The following ARHGAP18 variants were observed in gnomAD, a reference collection of about 807,000 sequenced individuals.
The protein encoded by ARHGAP18 is rho GTPase-activating protein 18.
In ARHGAP18, 67 loss-of-function variants were observed where a neutral mutation model predicts 86.2. That is an observed-to-expected ratio of 0.78 (90% CI 0.64 to 0.95). ARHGAP18 has a LOEUF of 0.95. Ranked by LOEUF, ARHGAP18 falls within the 40% of genes least tolerant of loss-of-function variation. The pLI is 0.00. For missense variants in ARHGAP18, 691 were observed against 780.4 expected, an observed-to-expected ratio of 0.89 and a Z score of 1.37; for synonymous variants, 283 against 280.4, an observed-to-expected ratio of 1.01 and a Z score of -0.09.
chr6:129,623,028 G>T (rs1451118165), intron 5 of ARHGAP18, among the ~76,000 whole-genome samples: 1 of 139,744 alleles, frequency 7.2e-6, no homozygotes, highest in Non-Finnish European at 1.6e-5. Context: ...AAAAAAAAAA[G>T]GAAAAAGAAA....
intron 1 of ARHGAP18, among the ~76,000 whole-genome samples, chr6:129,709,297 A>T (rs79327633): frequency 6.6e-5 from 10 of 152,226 alleles, no homozygotes; most frequent in Non-Finnish European, 1.5e-5. Flanking sequence ...GAAAAAAAAA[A>T]GCCCTTGGAA....
At chr6:129,603,771 T>C (rs1036533335) in intron 10 of ARHGAP18, among the ~76,000 whole-genome samples, 8 of 152,196 alleles carry the variant, frequency 5.3e-5, no homozygotes, top group Non-Finnish European at 8.8e-5. Context: ...AAATGCACCA[T>C]AATTCAAAGT....
In ARHGAP18 at chr6:129,608,064, G is replaced by GAAAAAAAA. The variant is rs577070164; in HGVS notation, c.1123-20_1123-13dup. The GAAAAAAAA allele has an allele frequency of 2.0e-4, 201 of 984,994 alleles. 1 individual carries two copies. Among genetic ancestry groups the GAAAAAAAA allele is most frequent in the Admixed American group, 4.0e-4 (6 of 15,050 alleles). 61.0% of individuals were successfully genotyped at this position (984,994 alleles called of 1,614,324 possible). ...TCTTGGCAAAGATTCTGATAGGCAC[G>GAAAAAAAA]AAAAAAAAAAAAAAAAAAAAAAGAA... is the stretch of plus-strand genomic sequence containing the variant. On this transcript the variant is annotated splice_polypyrimidine_tract_variant and intron_variant, in intron 8 of 14. Transcript: ENST00000368149.
intron 5 of ARHGAP18, among the ~76,000 whole-genome samples, chr6:129,627,314 A>G (rs1789500318): frequency 6.6e-6 from 1 of 152,094 alleles, no homozygotes; most frequent in South Asian, 2.1e-4. Context: ...AAAATATTAG[A>G]TCATAATTTT....
intron 1 of ARHGAP18, among the ~76,000 whole-genome samples, chr6:129,695,329 C>T (rs1237644720): frequency 6.6e-6 from 1 of 152,068 alleles, no homozygotes; most frequent in Non-Finnish European, 1.5e-5. Context: ...AAATATTGAA[C>T]CACAAAACTC....
intron 12 of ARHGAP18, among the ~76,000 whole-genome samples, chr6:129,585,311 T>A (rs1490392764): frequency 3.3e-5 from 5 of 151,894 alleles, no homozygotes; most frequent in Admixed American, 3.3e-4. Flanking sequence ...AAAAATAAAA[T>A]AAAATAAACA....
chr6:129,671,601 G>A (rs1397407318), intron 1 of ARHGAP18, among the ~76,000 whole-genome samples: 1 of 152,148 alleles, frequency 6.6e-6, no homozygotes, highest in Non-Finnish European at 1.5e-5. Context: ...TAGCTACTCG[G>A]GAGGCTGAGG....
chr6:129,676,915 CTTTTTTTTTTTT>C (rs10688716), intron 1 of ARHGAP18, among the ~76,000 whole-genome samples: 44 of 38,000 alleles, frequency 1.2e-3, no homozygotes, highest in East Asian at 2.5e-3. Flanking sequence ...TTTTTGTCCT[CTTTTTTTTTTTT>C]TTTTTTTTTT....
intron 3 of ARHGAP18, among the ~76,000 whole-genome samples, chr6:129,637,076 G>T (rs909098138): frequency 1.3e-5 from 2 of 151,894 alleles, no homozygotes; most frequent in Non-Finnish European, 2.9e-5. Context: ...TGTTGTTGTT[G>T]TTTTTTGAGA....
At chr6:129,650,718 C>T (rs1284604949) in intron 1 of ARHGAP18, among the ~76,000 whole-genome samples, 1 of 152,138 alleles carries the variant, frequency 6.6e-6, no homozygotes, top group Non-Finnish European at 1.5e-5. Flanking sequence ...CACCTGATAC[C>T]CTGGACCTGA....
chr6:129,700,367 C>T (rs1774690893), intron 1 of ARHGAP18, among the ~76,000 whole-genome samples: 1 of 152,134 alleles, frequency 6.6e-6, no homozygotes, highest in East Asian at 1.9e-4. Flanking sequence ...TATAGCTACC[C>T]AAACTGAAGC....
At chr6:129,607,763 T>C in intron 9 of ARHGAP18, 130 bp downstream of exon 9, 1 of 947,744 alleles carries the variant, frequency 1.1e-6, no homozygotes. Context: ...GAGCACCCAC[T>C]GACATCAGTT....
At chr6:129,620,649 G>C (rs955070271) in intron 5 of ARHGAP18, among the ~76,000 whole-genome samples, 1 of 152,138 alleles carries the variant, frequency 6.6e-6, no homozygotes, top group Non-Finnish European at 1.5e-5. Context: ...TTCAATTGCT[G>C]ATTAGCTGAT....
At chr6:129,591,684 C>T (rs369213627) in intron 12 of ARHGAP18, among the ~76,000 whole-genome samples, 6 of 152,002 alleles carry the variant, frequency 3.9e-5, no homozygotes, top group Non-Finnish European at 8.8e-5. Flanking sequence ...AATGTCAGAC[C>T]GGTAAAAGAG....
chr6:129,639,394 A>T (rs2114497387), intron 2 of ARHGAP18, among the ~76,000 whole-genome samples: 1 of 152,334 alleles, frequency 6.6e-6, no homozygotes, highest in East Asian at 1.9e-4. Flanking sequence ...AAAGCGATGA[A>T]TTGGGACACA....
At chr6:129,618,619 T>A in intron 6 of ARHGAP18, 68 bp downstream of exon 6, 1 of 1,446,214 alleles carries the variant, frequency 6.9e-7, no homozygotes, top group Non-Finnish European at 9.3e-7. Flanking sequence ...CCAGAAATAC[T>A]GCAAAAAAGC....
At chr6:129,635,052 G>A (rs557523478) in intron 3 of ARHGAP18, among the ~76,000 whole-genome samples, 19 of 152,306 alleles carry the variant, frequency 1.2e-4, no homozygotes, top group South Asian at 2.1e-4. Context: ...AACCATGGCC[G>A]ACTCTGCTCA....
At chr6:129,700,792 G>A (rs1774696500) in intron 1 of ARHGAP18, among the ~76,000 whole-genome samples, 1 of 152,006 alleles carries the variant, frequency 6.6e-6, no homozygotes, top group Non-Finnish European at 1.5e-5. Flanking sequence ...AAAAATTGAG[G>A]CCCTGAAACA....
At chr6:129,648,153 A>C (rs1386455177) in intron 1 of ARHGAP18, among the ~76,000 whole-genome samples, 1 of 151,528 alleles carries the variant, frequency 6.6e-6, no homozygotes, top group Non-Finnish European at 1.5e-5. Context: ...TTTCCAATGC[A>C]CTTTTTTTTT....
Sources: gnomAD v4.1 joint callset for allele counts (sites outside exome capture counted in the v4.1 genomes callset) on GRCh38, gnomAD v4.1.1 for gene constraint, MANE v1.5 for transcripts, NCBI Gene and HGNC (gene_info 2026-07-23, HGNC 2026-07-21) for gene names.